The following FCGR2B variants were observed in gnomAD, a reference collection of about 807,000 sequenced individuals.
FCGR2B encodes the protein low affinity immunoglobulin gamma Fc region receptor II-b.
FCGR2B carries 18 observed loss-of-function variants against 24.8 expected under a neutral mutation model. The observed-to-expected ratio is 0.73, with a 90% CI of 0.50 to 1.08. The LOEUF is 1.08. FCGR2B is among the 50% of genes least tolerant of loss of function. FCGR2B has a pLI of 0.00. For missense variants in FCGR2B, 215 were observed against 297.6 expected (o/e 0.72, Z 2.04); for synonymous variants, 79 against 109.8 (o/e 0.72, Z 1.75).
At chr1:161,654,736 C>T in the FCGR2B span, among the ~76,000 whole-genome samples, 2 of 136,566 alleles carry the variant, frequency 1.5e-5, no homozygotes, top group Non-Finnish European at 3.4e-5. Context: ...CGCTGTCTTA[C>T]AGGTGAGCCT....
intron 5 of FCGR2B, chr1:161,674,480 G>T: frequency 2.9e-6 from 1 of 342,132 alleles, no homozygotes; most frequent in Non-Finnish European, 5.7e-6. Flanking sequence ...GCAGTGTAGT[G>T]TAGTGATGGA....
chr1:161,671,304 C>A, intron 2 of FCGR2B, 88 bp from the exon 3 acceptor site: 2 of 1,603,176 alleles, frequency 1.2e-6, no homozygotes, highest in Non-Finnish European at 1.7e-6. Flanking sequence ...CCTAGTAGGC[C>A]TACAGGTGCT....
intron 3 of FCGR2B, chr1:161,672,403 C>T (rs1681741325): frequency 1.2e-5 from 2 of 167,176 alleles, no homozygotes; most frequent in East Asian, 3.3e-4. Context: ...ACGAATGACC[C>T]ACTGGTGACA....
chr1:161,650,499 G>T, the FCGR2B span, among the ~76,000 whole-genome samples: 1 of 145,976 alleles, frequency 6.9e-6, no homozygotes, highest in Non-Finnish European at 1.5e-5. Context: ...TCTTTGTTGT[G>T]GGGGGCTATG....
chr1:161,673,358 G>T (rs996693992), intron 4 of FCGR2B, 129 bp downstream of exon 4: 15 of 1,583,494 alleles, frequency 9.5e-6, no homozygotes, highest in African/African-American at 1.4e-5. Flanking sequence ...AAAGAGGAGT[G>T]GTGTGGAGGC....
At chr1:161,669,865 C>A (rs1249049762) in intron 1 of FCGR2B, among the ~76,000 whole-genome samples, 44 of 69,426 alleles carry the variant, frequency 6.3e-4, no homozygotes, top group African/African-American at 1.9e-3. Context: ...CAATTTCTAC[C>A]CCCTCCCAAC....
chr1:161,672,718 T>C, intron 3 of FCGR2B: 2 of 587,120 alleles, frequency 3.4e-6, no homozygotes, highest in Non-Finnish European at 6.0e-6. Flanking sequence ...CCTGAACACC[T>C]ATTATGTGCT....
chr1:161,647,358 T>C, the FCGR2B span, among the ~76,000 whole-genome samples: 4 of 145,762 alleles, frequency 2.7e-5, no homozygotes, highest in African/African-American at 1.0e-4. Flanking sequence ...TGGAGTGCAG[T>C]AGTGTGATTT....
chr1:161,652,883 G>A, the FCGR2B span, among the ~76,000 whole-genome samples: 1 of 134,088 alleles, frequency 7.5e-6, no homozygotes, highest in Non-Finnish European at 1.7e-5. Flanking sequence ...TTGGGTGGAG[G>A]CAGCATTTCA....
chr1:161,671,524 A>G lies in FCGR2B; in HGVS notation c.266A>G (p.Asn89Ser), dbSNP rs776019570. The change falls in exon 3 of 8, where the codon AAT becomes AGT. Residue 89 changes from asparagine to serine, a missense_variant. By Grantham distance (46) the Asn-to-Ser change is conservative. Transcript: ENST00000358671. ...SDSIQWFHNG[N>S]LIPTHTQPSY... The stretch of plus-strand genomic sequence containing the variant: ...TCCATTCAGTGGTTCCACAATGGGA[A>G]TCTCATTCCCACCCACACGCAGCCC... 10 of 1,614,174 alleles carry G rather than the reference A, an allele frequency of 6.2e-6. No individual in the cohort carries two copies. The Middle Eastern group carries it at 6.6e-4, about 107-fold the overall frequency.
At chr1:161,673,269 G>C in intron 4 of FCGR2B, 40 bp downstream of exon 4, 3 of 1,584,928 alleles carry the variant, frequency 1.9e-6, no homozygotes, top group Non-Finnish European at 2.6e-6. Context: ...GGGAGAAGAG[G>C]GGATGGACAA....
intron 6 of FCGR2B, chr1:161,676,871 C>T: frequency 5.4e-6 from 1 of 186,056 alleles, no homozygotes; most frequent in Non-Finnish European, 1.1e-5. Context: ...CCATGGAGTA[C>T]CATATTTTTC....
chr1:161,671,889 A>G lies in FCGR2B; in HGVS notation c.391+240A>G. The stretch of plus-strand genomic sequence containing the variant: ...CAGAAGGAAATCCCTACTGCATAAA[A>G]CCCATTTCCATTTTAATGGCAGAAT... On this transcript the variant is annotated intron_variant, in intron 3 of 7. Coordinates refer to ENST00000358671, the MANE Select transcript of FCGR2B (RefSeq NM_001394477.1). The G allele has an allele frequency of 1.4e-5, 10 of 720,306 alleles. No homozygotes were observed. In the South Asian group the frequency reaches 2.0e-4, roughly 14 times the overall value. 44.6% of individuals were successfully genotyped at this position (720,306 alleles called of 1,614,324 possible). A position where few individuals can be genotyped will look rare whatever the true frequency, so the allele number is the denominator to read the frequency against.
chr1:161,673,320 G>C (rs1362390633), intron 4 of FCGR2B, 91 bp downstream of exon 4: 152 of 1,604,084 alleles, frequency 9.5e-5, no homozygotes, highest in South Asian at 3.8e-4. Flanking sequence ...TCTGAGAAAG[G>C]CCACAGCGCA....
intron 6 of FCGR2B, chr1:161,677,000 C>G (rs1682203129): frequency 4.8e-6 from 2 of 419,142 alleles, no homozygotes; most frequent in Admixed American, 4.6e-5. Context: ...GCTGAACACC[C>G]CCCTCCCCCA....
At chr1:161,676,825 C>G in intron 6 of FCGR2B, 1 of 162,710 alleles carries the variant, frequency 6.1e-6, no homozygotes, top group Non-Finnish European at 1.3e-5. Context: ...CCCTCCCTTC[C>G]TCCCTTTCTC....
chr1:161,672,367 A>T (rs930621451), intron 3 of FCGR2B: 3 of 161,678 alleles, frequency 1.9e-5, no homozygotes, highest in Non-Finnish European at 4.1e-5. Flanking sequence ...CCTGAAGAGC[A>T]AATTTTCCTC....
At chr1:161,655,208 C>T in the FCGR2B span, among the ~76,000 whole-genome samples, 2 of 151,526 alleles carry the variant, frequency 1.3e-5, no homozygotes, top group African/African-American at 2.4e-5. Context: ...CTGCTATTTG[C>T]TCTTCACACC....
At chr1:161,661,265 AG>A (rs1681072918), upstream of FCGR2B, among the ~76,000 whole-genome samples, 1 of 135,438 alleles carries the variant, frequency 7.4e-6, no homozygotes, top group East Asian at 2.3e-4. Context: ...AAAGAAAGGA[AG>A]GAAGCAAGAA....
Sources: allele counts gnomAD v4.1 joint callset (sites outside exome capture counted in the v4.1 genomes callset), GRCh38; gene constraint gnomAD v4.1.1; transcripts MANE v1.5; gene names NCBI Gene and HGNC (gene_info 2026-07-23, HGNC 2026-07-21).